The following RAD52 variants were observed in gnomAD, a reference collection of about 807,000 sequenced individuals.
The protein encoded by RAD52 is DNA repair protein RAD52 homolog.
In RAD52, 47 loss-of-function variants were observed where a neutral mutation model predicts 55.5. The observed-to-expected ratio is 0.85, with a 90% confidence interval of 0.67 to 1.08. RAD52 has a LOEUF of 1.08. Among genes scored for constraint, RAD52 ranks in the 50% least tolerant of loss-of-function variants. The pLI, the probability that RAD52 is intolerant of heterozygous loss-of-function variation, is 0.00. For missense variants in RAD52, 468 were observed against 522.8 expected (o/e 0.90, Z 1.02); for synonymous variants, 184 against 198.9 (o/e 0.92, Z 0.63).
chr12:914,257 C>A (rs949209463), intron 10 of RAD52, 136 bp from the exon 11 acceptor site: 2 of 1,293,594 alleles, frequency 1.5e-6, no homozygotes, highest in Non-Finnish European at 2.1e-6. Flanking sequence ...TCCCCTCCCC[C>A]TAAAAGTACA....
In RAD52 at chr12:912,684, C is replaced by T. The variant is rs1217735577; in HGVS notation, c.*707G>A. The stretch of plus-strand genomic sequence containing the variant: ...TGTGGAGAGAGCTGTGTTTGCACCA[C>T]TGAACTCCAGTCAGGGCAACACAGC... On this transcript the variant is annotated 3_prime_UTR_variant, in exon 12 of 12. Transcript: ENST00000358495. 1 of 150,512 alleles carries T rather than the reference C, an allele frequency of 6.6e-6. No homozygotes were observed. The highest frequency in any genetic ancestry group is 1.3e-5 in the Non-Finnish European group (1 of 74,816). The allele number at this position is 150,512 out of a possible 1,614,324, so 9.3% of individuals were successfully genotyped here.
chr12:967,229 A>G (rs1958782330), intron 1 of RAD52, among the ~76,000 whole-genome samples: 1 of 151,762 alleles, frequency 6.6e-6, no homozygotes, highest in Non-Finnish European at 1.5e-5. Context: ...AAATATAAAA[A>G]TTAGCTGGGC....
intron 1 of RAD52, among the ~76,000 whole-genome samples, chr12:938,407 G>T (rs1056968478): frequency 1.3e-5 from 2 of 152,256 alleles, no homozygotes; most frequent in Non-Finnish European, 2.9e-5. Flanking sequence ...TTAAGGCTGG[G>T]TGTGGTGGCC....
At chr12:965,979 T>C (rs1384003989) in intron 1 of RAD52, among the ~76,000 whole-genome samples, 4 of 151,858 alleles carry the variant, frequency 2.6e-5, no homozygotes, top group Admixed American at 6.6e-5. Flanking sequence ...CCACTGTGCC[T>C]GGCTGTTTGT....
intron 1 of RAD52, among the ~76,000 whole-genome samples, chr12:958,133 C>T (rs551981055): frequency 4.6e-5 from 7 of 152,304 alleles, no homozygotes; most frequent in Non-Finnish European, 8.8e-5. Flanking sequence ...TGGGCCTCTC[C>T]GCAGACGGGA....
intron 1 of RAD52, among the ~76,000 whole-genome samples, chr12:939,430 G>A (rs559291825): frequency 6.6e-6 from 1 of 152,188 alleles, no homozygotes; most frequent in African/African-American, 2.4e-5. Flanking sequence ...GATTACAGAC[G>A]TGAGCCACTG....
chr12:953,280 A>T (rs1359254064), upstream of RAD52, among the ~76,000 whole-genome samples: 1 of 151,664 alleles, frequency 6.6e-6, no homozygotes, highest in Non-Finnish European at 1.5e-5. Flanking sequence ...CTCCAGCCTG[A>T]GCGACAGAGT....
intron 1 of RAD52, among the ~76,000 whole-genome samples, chr12:941,320 A>C (rs1032265264): frequency 4.6e-5 from 7 of 152,114 alleles, no homozygotes; most frequent in African/African-American, 1.2e-4. Context: ...CAGAACTAAA[A>C]GAATTTTTTT....
chr12:966,957 G>A (rs748409645), intron 1 of RAD52, among the ~76,000 whole-genome samples: 19 of 151,978 alleles, frequency 1.3e-4, no homozygotes, highest in Non-Finnish European at 2.1e-4. Context: ...TCCCTGTGCT[G>A]TAGTTAAATA....
chr12:965,062 C>T (rs1958739861), intron 1 of RAD52, among the ~76,000 whole-genome samples: 1 of 151,978 alleles, frequency 6.6e-6, no homozygotes, highest in Admixed American at 6.6e-5. Context: ...TCACTGCAAC[C>T]TCTGCCTCCT....
chr12:912,996 C>T lies in RAD52; in HGVS notation c.*395G>A, dbSNP rs104895058. 6.1e-3 allele frequency: 1,378 copies of T among 225,378 alleles called. 2 individuals are homozygous for T. Among genetic ancestry groups the T allele is most frequent in the Non-Finnish European group, 9.9e-3 (1,129 of 114,250 alleles). 14.0% of individuals were successfully genotyped at this position (225,378 alleles called of 1,614,324 possible). A position where few individuals can be genotyped will look rare whatever the true frequency, so the allele number is the denominator to read the frequency against. Reference sequence around the variant, plus strand: ...TAAAGGAAAGAAGGCAGACGTTATGCAAAACAACTGAATGTAGACAATTGC... The same window carrying T: ...TAAAGGAAAGAAGGCAGACGTTATGTAAAACAACTGAATGTAGACAATTGC... On this transcript the variant is annotated 3_prime_UTR_variant, in exon 12 of 12. Coordinates refer to ENST00000358495, the MANE Select transcript of RAD52 (RefSeq NM_134424.4).
At chr12:944,103 C>T (rs549907206) in intron 1 of RAD52, among the ~76,000 whole-genome samples, 2 of 152,172 alleles carry the variant, frequency 1.3e-5, no homozygotes, top group Non-Finnish European at 2.9e-5. Flanking sequence ...GTAGTCCTAG[C>T]TACTCAGGGG....
chr12:983,709 C>T (rs894332099), intron 1 of RAD52, among the ~76,000 whole-genome samples: 3 of 152,116 alleles, frequency 2.0e-5, no homozygotes, highest in Admixed American at 6.6e-5. Context: ...CATGAGCCAC[C>T]GCACGCGGCC....
At chr12:985,671 T>A (rs78547033) in intron 1 of RAD52, among the ~76,000 whole-genome samples, 14,320 of 152,224 alleles carry the variant, frequency 0.094, 792 homozygotes, top group Middle Eastern at 0.18. Context: ...CCACTTTTTT[T>A]AAAAAACATT....
At chr12:932,541 A>G (rs1035629372) in intron 2 of RAD52, among the ~76,000 whole-genome samples, 1 of 152,098 alleles carries the variant, frequency 6.6e-6, no homozygotes, top group Non-Finnish European at 1.5e-5. Context: ...CAGGGGCAAT[A>G]GGAAATAGGG....
intron 11 of RAD52, 109 bp from the exon 12 acceptor site, chr12:913,561 A>G: frequency 1.1e-6 from 1 of 942,064 alleles, no homozygotes; most frequent in Non-Finnish European, 1.7e-6. Context: ...AAGCCCAAGA[A>G]TGAGAATTAC....
At chr12:922,291 A>T (rs182276430) in intron 7 of RAD52, among the ~76,000 whole-genome samples, 1 of 152,044 alleles carries the variant, frequency 6.6e-6, no homozygotes, top group East Asian at 1.9e-4. Flanking sequence ...GTGGAATGGT[A>T]AAATGGGGCA....
chr12:949,285 C>G (rs1232959591), intron 1 of RAD52: 2 of 152,248 alleles, frequency 1.3e-5, no homozygotes, highest in Non-Finnish European at 2.9e-5. Context: ...AGATTCCCCA[C>G]GCCTGTCTGC....
intron 1 of RAD52, among the ~76,000 whole-genome samples, chr12:956,116 C>T (rs1305893507): frequency 6.6e-6 from 1 of 152,176 alleles, no homozygotes; most frequent in African/African-American, 2.4e-5. Context: ...AGCCACATGA[C>T]TCAGCTCTGG....
Sources: gnomAD v4.1 joint callset for allele counts (sites outside exome capture counted in the v4.1 genomes callset) on GRCh38, gnomAD v4.1.1 for gene constraint, MANE v1.5 for transcripts, NCBI Gene and HGNC (gene_info 2026-07-23, HGNC 2026-07-21) for gene names.